PABPC4L: variants seen among roughly 807,000 people sequenced by gnomAD.
PABPC4L encodes poly(A) binding protein cytoplasmic 4 like.
For missense variants in PABPC4L, 452 were observed against 451.4 expected (o/e 1.00, Z -0.01); for synonymous variants, 169 against 164.1 (o/e 1.03, Z -0.23).
At chr4:133,954,019 C>T in the PABPC4L span, among the ~76,000 whole-genome samples, 3 of 152,352 alleles carry the variant, frequency 2.0e-5, no homozygotes, top group East Asian at 5.8e-4. Flanking sequence ...AGGGACTTCT[C>T]TGAGAGGGAA....
chr4:134,130,733 A>G, the PABPC4L span, among the ~76,000 whole-genome samples: 1 of 152,144 alleles, frequency 6.6e-6, no homozygotes, highest in Non-Finnish European at 1.5e-5. Context: ...ACTATAGGCC[A>G]ATATCCCTTA....
the PABPC4L span, among the ~76,000 whole-genome samples, chr4:134,088,797 T>C: frequency 1.3e-5 from 2 of 152,106 alleles, no homozygotes; most frequent in African/African-American, 4.8e-5. Flanking sequence ...TTTCAGATAT[T>C]TTGTTATAGG....
In PABPC4L at chr4:134,200,678, A is replaced by G; in HGVS notation, c.342T>C (p.Leu114=). The change falls in exon 2 of 2, where the codon CTT becomes CTC. Residue 114 remains leucine (L), a synonymous_variant. Transcript: ENST00000421491. ...NLDKSIDNKT[L]YEHFSAFGKI... ...TTCCAAAAGCTGAAAAATGTTCATA[A>G]AGGGTTTTGTTATCGATAGATTTGT... 6.4e-7 allele frequency: 1 copy of G among 1,551,624 alleles called. No homozygotes were observed.
chr4:134,179,497 A>ACACAAAGAAGTCT, the PABPC4L span, among the ~76,000 whole-genome samples: 1 of 152,160 alleles, frequency 6.6e-6, no homozygotes, highest in African/African-American at 2.4e-5. Context: ...CATAATATCC[A>ACACAAAGAAGTCT]GCTAACAACA....
In PABPC4L at chr4:134,197,906, T is replaced by C. The variant is rs1389374792; in HGVS notation, c.*2001A>G. 1 of 151,800 alleles carries C rather than the reference T, an allele frequency of 6.6e-6. No individual in the cohort carries two copies. The highest frequency in any genetic ancestry group is 1.5e-5 in the Non-Finnish European group (1 of 67,712). The allele number at this position is 151,800 out of a possible 1,614,324, so 9.4% of individuals were successfully genotyped here. ...TTAAGCAATATTTATCAAAATTACT[T>C]TTTAAAATTGATTCTTTTTTAACCA... On this transcript the variant is annotated 3_prime_UTR_variant, in exon 2 of 2. Transcript: ENST00000421491.
At chr4:134,045,883 A>G in the PABPC4L span, among the ~76,000 whole-genome samples, 5 of 152,224 alleles carry the variant, frequency 3.3e-5, no homozygotes, top group African/African-American at 7.2e-5. Flanking sequence ...TCATTATGAA[A>G]CAATGTGTAT....
chr4:134,062,202 A>G, the PABPC4L span, among the ~76,000 whole-genome samples: 3 of 151,944 alleles, frequency 2.0e-5, no homozygotes, highest in Admixed American at 6.6e-5. Context: ...TACTAACTGT[A>G]TTGGAGCTGA....
chr4:133,976,057 C>T, the PABPC4L span, among the ~76,000 whole-genome samples: 1 of 152,038 alleles, frequency 6.6e-6, no homozygotes, highest in Admixed American at 6.6e-5. Flanking sequence ...ATCTATCAAC[C>T]TAGGTATTAA....
At chr4:134,055,536 G>A in the PABPC4L span, among the ~76,000 whole-genome samples, 4 of 151,428 alleles carry the variant, frequency 2.6e-5, no homozygotes, top group East Asian at 2.0e-4. Context: ...TTTTTCTATC[G>A]TTTAAGCCAC....
At chr4:134,147,005 G>C in the PABPC4L span, among the ~76,000 whole-genome samples, 1 of 152,046 alleles carries the variant, frequency 6.6e-6, no homozygotes, top group Non-Finnish European at 1.5e-5. Flanking sequence ...ACTATCAAAA[G>C]CCAGAAACAT....
the PABPC4L span, among the ~76,000 whole-genome samples, chr4:134,181,056 G>C: frequency 6.6e-6 from 1 of 151,884 alleles, no homozygotes; most frequent in East Asian, 1.9e-4. Context: ...TACAAAACTT[G>C]GCAGAGACAT....
chr4:134,011,976 T>G, the PABPC4L span, among the ~76,000 whole-genome samples: 2 of 152,158 alleles, frequency 1.3e-5, no homozygotes, highest in Non-Finnish European at 2.9e-5. Context: ...TGTGCCCATA[T>G]GTACTCTCAC....
At chr4:134,108,409 A>G in the PABPC4L span, among the ~76,000 whole-genome samples, 1 of 151,850 alleles carries the variant, frequency 6.6e-6, no homozygotes, top group African/African-American at 2.4e-5. Context: ...TGTAATGAAA[A>G]TGATAACCTA....
chr4:134,146,826 C>T, the PABPC4L span, among the ~76,000 whole-genome samples: 1 of 151,992 alleles, frequency 6.6e-6, no homozygotes, highest in African/African-American at 2.4e-5. Context: ...TCAGAAGGAA[C>T]CAATCTAGAG....
At chr4:133,959,135 C>G in the PABPC4L span, among the ~76,000 whole-genome samples, 1 of 147,710 alleles carries the variant, frequency 6.8e-6, no homozygotes, top group African/African-American at 2.6e-5. Flanking sequence ...TTCCAAAATA[C>G]ATTTGTTCAT....
the PABPC4L span, among the ~76,000 whole-genome samples, chr4:134,117,028 C>A: frequency 6.6e-6 from 1 of 151,116 alleles, no homozygotes; most frequent in African/African-American, 2.4e-5. Context: ...TTCTATTTTT[C>A]TGTCTCTTTT....
At chr4:134,104,551 GTT>G in the PABPC4L span, among the ~76,000 whole-genome samples, 3 of 151,704 alleles carry the variant, frequency 2.0e-5, no homozygotes, top group Admixed American at 6.6e-5. Flanking sequence ...CTCAGCACCT[GTT>G]TGAGGCATCT....
the PABPC4L span, among the ~76,000 whole-genome samples, chr4:134,015,512 A>G: frequency 6.6e-6 from 1 of 152,100 alleles, no homozygotes; most frequent in East Asian, 1.9e-4. Context: ...TCAGCAAATT[A>G]CCTGGGCTGT....
At chr4:134,118,365 C>T in the PABPC4L span, among the ~76,000 whole-genome samples, 1 of 151,788 alleles carries the variant, frequency 6.6e-6, no homozygotes, top group Non-Finnish European at 1.5e-5. Context: ...TGGAATAGCA[C>T]ACTCCATTTT....
Sources: allele counts gnomAD v4.1 joint callset (sites outside exome capture counted in the v4.1 genomes callset), GRCh38; gene constraint gnomAD v4.1.1; transcripts MANE v1.5; gene names NCBI Gene and HGNC (gene_info 2026-07-23, HGNC 2026-07-21).